CNTNAP2: variants seen among roughly 807,000 people sequenced by gnomAD.
CNTNAP2 encodes contactin-associated protein-like 2.
A neutral mutation model predicts 155.2 loss-of-function variants in CNTNAP2; 98 were observed. The ratio of observed to expected loss-of-function variants is 0.63; its 90% CI spans 0.54 to 0.75. CNTNAP2 has a LOEUF of 0.75. Among genes scored for constraint, CNTNAP2 ranks in the 30% least tolerant of loss-of-function variants. The probability of loss-of-function intolerance (pLI) is 0.00; values close to 1 mark genes in which losing one functional copy is unlikely to be tolerated. For synonymous variants in CNTNAP2, 651 were observed against 631.2 expected (o/e 1.03, Z -0.47); for missense variants, 1,727 against 1,688.1 (o/e 1.02, Z -0.40).
intron 13 of CNTNAP2, among the ~76,000 whole-genome samples, chr7:147,889,695 A>G (rs970019030): frequency 2.0e-5 from 3 of 152,194 alleles, no homozygotes; most frequent in African/African-American, 7.2e-5. Flanking sequence ...ATCCAAAAGA[A>G]CTTTCTGAGG....
intron 12 of CNTNAP2, among the ~76,000 whole-genome samples, chr7:147,637,909 C>G (rs1206141112): frequency 6.6e-6 from 1 of 152,064 alleles, no homozygotes; most frequent in East Asian, 1.9e-4. Context: ...ACCATTTAGT[C>G]TTCTTTTATG....
At chr7:147,076,483 G>C (rs1800003862) in intron 4 of CNTNAP2, among the ~76,000 whole-genome samples, 1 of 152,044 alleles carries the variant, frequency 6.6e-6, no homozygotes, top group Non-Finnish European at 1.5e-5. Context: ...GGGGTTGTTT[G>C]ATTTTTTCTT....
At chr7:147,818,575 A>G (rs927143141) in intron 13 of CNTNAP2, among the ~76,000 whole-genome samples, 1 of 152,208 alleles carries the variant, frequency 6.6e-6, no homozygotes, top group African/African-American at 2.4e-5. Context: ...AGATGCAGAC[A>G]GCAGAATTAT....
chr7:146,747,697 A>G lies in CNTNAP2; in HGVS notation c.98-26574A>G, dbSNP rs566461265. ...TAGTTAGGGCATTTTTAAATGTACT[A>G]TGTGTGTTATGTAAGTGTGAGCTCT... On this transcript the variant is annotated intron_variant, in intron 1 of 23. Coordinates refer to ENST00000361727, the MANE Select transcript of CNTNAP2 (RefSeq NM_014141.6). 8.5e-4 allele frequency among the ~76,000 whole-genome samples: 129 copies of G among 152,298 alleles called. 2 individuals carry two copies. The highest frequency in any genetic ancestry group is 8.0e-3 in the Admixed American group (123 of 15,296).
intron 8 of CNTNAP2, among the ~76,000 whole-genome samples, chr7:147,136,282 C>T (rs1313307238): frequency 6.6e-6 from 1 of 151,892 alleles, no homozygotes; most frequent in Non-Finnish European, 1.5e-5. Flanking sequence ...CAGAATATGT[C>T]CTGTCCTAAA....
At chr7:147,148,119 G>A (rs993347436) in intron 8 of CNTNAP2, among the ~76,000 whole-genome samples, 6 of 151,362 alleles carry the variant, frequency 4.0e-5, no homozygotes, top group South Asian at 4.2e-4. Flanking sequence ...GGCCGGGCGC[G>A]GTGGCTCACG....
chr7:147,019,595 CTT>C, intron 3 of CNTNAP2, among the ~76,000 whole-genome samples: 1 of 152,144 alleles, frequency 6.6e-6, no homozygotes, highest in Middle Eastern at 3.4e-3. Flanking sequence ...ATATTAAGGA[CTT>C]ATTATTTATT....
chr7:148,067,410 C>T (rs1803288215), intron 15 of CNTNAP2, among the ~76,000 whole-genome samples: 1 of 152,172 alleles, frequency 6.6e-6, no homozygotes, highest in Non-Finnish European at 1.5e-5. Flanking sequence ...GGACTCTGAC[C>T]TGGTACTGGG....
intron 2 of CNTNAP2, among the ~76,000 whole-genome samples, chr7:146,831,667 G>A (rs1243201499): frequency 8.0e-5 from 5 of 62,760 alleles, no homozygotes; most frequent in Non-Finnish European, 1.2e-4. Flanking sequence ...AGAGCAAGAC[G>A]CCAAAAAAAA....
At chr7:146,584,012 T>C (rs1798650648) in intron 1 of CNTNAP2, among the ~76,000 whole-genome samples, 1 of 152,276 alleles carries the variant, frequency 6.6e-6, no homozygotes, top group Admixed American at 6.5e-5. Flanking sequence ...AGATTATAAA[T>C]CTAGATTTAT....
chr7:147,460,312 C>A (rs994447717), intron 10 of CNTNAP2, among the ~76,000 whole-genome samples: 1 of 152,032 alleles, frequency 6.6e-6, no homozygotes, highest in East Asian at 1.9e-4. Context: ...TCATCCCTGC[C>A]ATTTTTCCTA....
At chr7:146,291,492 C>A (rs891980948) in intron 1 of CNTNAP2, among the ~76,000 whole-genome samples, 1 of 152,082 alleles carries the variant, frequency 6.6e-6, no homozygotes, top group Admixed American at 6.6e-5. Context: ...AGGTGAGTGG[C>A]AGCCACAGAA....
At chr7:147,929,391 T>C (rs1800459055) in intron 14 of CNTNAP2, among the ~76,000 whole-genome samples, 1 of 152,212 alleles carries the variant, frequency 6.6e-6, no homozygotes, top group African/African-American at 2.4e-5. Flanking sequence ...GCTGTGTAGA[T>C]ACCATCTAAC....
chr7:146,880,929 G>T (rs978486054), intron 3 of CNTNAP2, among the ~76,000 whole-genome samples: 5 of 152,116 alleles, frequency 3.3e-5, no homozygotes, highest in Non-Finnish European at 5.9e-5. Context: ...GTGGCTTTGT[G>T]TTTGCATAAT....
chr7:148,298,486 C>A (rs1797324957), intron 21 of CNTNAP2, among the ~76,000 whole-genome samples: 1 of 152,070 alleles, frequency 6.6e-6, no homozygotes, highest in Non-Finnish European at 1.5e-5. Context: ...TTTATTCTAG[C>A]CACACTGGCA....
At chr7:146,918,938 T>G (rs144462366) in intron 3 of CNTNAP2, among the ~76,000 whole-genome samples, 17 of 152,224 alleles carry the variant, frequency 1.1e-4, no homozygotes, top group Admixed American at 5.2e-4. Flanking sequence ...GTCTTTGACC[T>G]CTGAGGTTCT....
chr7:146,177,199 A>G (rs1350434436), intron 1 of CNTNAP2, among the ~76,000 whole-genome samples: 4 of 152,288 alleles, frequency 2.6e-5, no homozygotes, highest in Admixed American at 1.3e-4. Context: ...TTACATCTGG[A>G]CAGTATTGAA....
chr7:148,000,164 G>A (rs991019457), intron 15 of CNTNAP2, among the ~76,000 whole-genome samples: 20 of 152,114 alleles, frequency 1.3e-4, no homozygotes, highest in African/African-American at 4.3e-4. Context: ...AGTCTGATGC[G>A]GAGTCAGTGA....
intron 6 of CNTNAP2, among the ~76,000 whole-genome samples, chr7:147,126,265 G>A (rs1159632852): frequency 2.0e-5 from 3 of 152,156 alleles, no homozygotes; most frequent in Non-Finnish European, 4.4e-5. Context: ...GTGTACACTT[G>A]AAAGCTAACA....
Sources: gnomAD v4.1 joint callset for allele counts (sites outside exome capture counted in the v4.1 genomes callset) on GRCh38, gnomAD v4.1.1 for gene constraint, MANE v1.5 for transcripts, NCBI Gene and HGNC (gene_info 2026-07-23, HGNC 2026-07-21) for gene names.